The following AKT3 variants were observed in gnomAD, a reference collection of about 807,000 sequenced individuals.
The protein encoded by AKT3 is AKT serine/threonine kinase 3, also known as RAC-gamma serine/threonine-protein kinase.
AKT3 carries 15 observed loss-of-function variants against 65.3 expected under a neutral mutation model. The ratio of observed to expected loss-of-function variants is 0.23; its 90% CI spans 0.15 to 0.35. The LOEUF (loss-of-function observed/expected upper bound fraction) is 0.35, where lower values mean the gene tolerates loss of function less well. Among genes scored for constraint, AKT3 ranks in the 10% least tolerant of loss-of-function variants. AKT3 has a pLI of 1.00. For synonymous variants in AKT3, 206 were observed against 183.8 expected (o/e 1.12, Z -0.98); for missense variants, 243 against 576.5 (o/e 0.42, Z 5.92).
At chr1:243,706,018 TC>T (rs1685773993) in intron 2 of AKT3, among the ~76,000 whole-genome samples, 1 of 152,296 alleles carries the variant, frequency 6.6e-6, no homozygotes, top group African/African-American at 2.4e-5. Flanking sequence ...CTTTAAAACT[TC>T]CTTATTGTAA....
intron 8 of AKT3, among the ~76,000 whole-genome samples, chr1:243,596,021 G>A (rs537437348): frequency 6.6e-6 from 1 of 152,288 alleles, no homozygotes; most frequent in South Asian, 2.1e-4. Context: ...TGTGAGTAAT[G>A]CACTGCAGTA....
intron 3 of AKT3, among the ~76,000 whole-genome samples, chr1:243,689,504 TAA>T (rs1261773957): frequency 7.4e-6 from 1 of 134,730 alleles, no homozygotes; most frequent in African/African-American, 3.0e-5. Flanking sequence ...TTTTTTTTTT[TAA>T]AGAGACAGGG....
At chr1:243,736,002 T>C (rs908704850) in intron 2 of AKT3, among the ~76,000 whole-genome samples, 1 of 152,234 alleles carries the variant, frequency 6.6e-6, no homozygotes, top group Admixed American at 6.5e-5. Context: ...TAGCTTTGGT[T>C]ATATTTAGCC....
At chr1:243,573,107 A>G in intron 8 of AKT3, 59 bp from the exon 9 acceptor site, 1 of 1,579,492 alleles carries the variant, frequency 6.3e-7, no homozygotes, top group Non-Finnish European at 8.7e-7. Context: ...GGGGGAAATT[A>G]ACACAAACAT....
intron 4 of AKT3, among the ~76,000 whole-genome samples, chr1:243,658,022 C>A (rs578178371): frequency 6.6e-6 from 1 of 151,982 alleles, no homozygotes; most frequent in Admixed American, 6.6e-5. Context: ...CTACAAACTC[C>A]TAGGAAAAAA....
downstream of AKT3, among the ~76,000 whole-genome samples, chr1:243,494,727 C>T (rs1302301622): frequency 1.3e-5 from 2 of 152,300 alleles, no homozygotes; most frequent in East Asian, 1.9e-4. Flanking sequence ...CAGATACATT[C>T]ACTCTACTTA....
intron 2 of AKT3, among the ~76,000 whole-genome samples, chr1:243,809,908 C>G (rs1381407935): frequency 6.6e-6 from 1 of 152,198 alleles, no homozygotes; most frequent in Non-Finnish European, 1.5e-5. Context: ...TACATGGAAA[C>G]TGAACAACCT....
At chr1:243,624,326 A>C (rs1328051338) in intron 6 of AKT3, among the ~76,000 whole-genome samples, 1 of 152,242 alleles carries the variant, frequency 6.6e-6, no homozygotes, top group Non-Finnish European at 1.5e-5. Flanking sequence ...AAGAAATGCA[A>C]AATGATGAGA....
chr1:243,553,176 G>C (rs1270384869), intron 10 of AKT3, among the ~76,000 whole-genome samples: 1 of 148,042 alleles, frequency 6.8e-6, no homozygotes, highest in Non-Finnish European at 1.5e-5. Context: ...GGGGCAGGTC[G>C]TACAAAAAAA....
At chr1:243,848,479 G>C (rs377612525) in intron 1 of AKT3, among the ~76,000 whole-genome samples, 2 of 152,242 alleles carry the variant, frequency 1.3e-5, no homozygotes, top group South Asian at 4.1e-4. Flanking sequence ...CTCAAGTTCT[G>C]AAGACTAATC....
intron 3 of AKT3, among the ~76,000 whole-genome samples, chr1:243,682,654 T>C (rs1357007882): frequency 6.6e-6 from 1 of 152,136 alleles, no homozygotes; most frequent in African/African-American, 2.4e-5. Context: ...TATTTTTCAC[T>C]CTATACAGGG....
intron 2 of AKT3, among the ~76,000 whole-genome samples, chr1:243,714,915 T>C (rs1434606986): frequency 2.6e-5 from 4 of 152,112 alleles, no homozygotes; most frequent in Non-Finnish European, 5.9e-5. Flanking sequence ...TTAGGTAAAA[T>C]ATTCTGTGTT....
intron 4 of AKT3, among the ~76,000 whole-genome samples, chr1:243,648,537 T>C (rs1450332374): frequency 6.6e-6 from 1 of 152,176 alleles, no homozygotes; most frequent in African/African-American, 2.4e-5. Context: ...ATAGTTGTCT[T>C]TTCTTAAAAT....
chr1:243,610,916 G>C (rs939126344), intron 8 of AKT3, among the ~76,000 whole-genome samples: 12 of 152,192 alleles, frequency 7.9e-5, no homozygotes, highest in African/African-American at 2.9e-4. Context: ...TCCACTGCAT[G>C]AATGTAACTT....
chr1:243,574,650 T>A (rs1003787205), intron 8 of AKT3, among the ~76,000 whole-genome samples: 4 of 152,132 alleles, frequency 2.6e-5, no homozygotes, highest in Admixed American at 2.6e-4. Context: ...TTTAAAAAAT[T>A]CATTCATTTC....
chr1:243,540,165 A>G (rs1240489852), intron 12 of AKT3, among the ~76,000 whole-genome samples: 1 of 152,198 alleles, frequency 6.6e-6, no homozygotes, highest in African/African-American at 2.4e-5. Flanking sequence ...TGACATAGTA[A>G]TATCACTCAG....
chr1:243,577,139 T>C (rs1462731368), intron 8 of AKT3, among the ~76,000 whole-genome samples: 1 of 152,096 alleles, frequency 6.6e-6, no homozygotes, highest in South Asian at 2.1e-4. Context: ...GGACATCCTA[T>C]TGATTGATTG....
intron 2 of AKT3, among the ~76,000 whole-genome samples, chr1:243,727,842 T>A (rs1687310389): frequency 6.6e-6 from 1 of 152,164 alleles, no homozygotes; most frequent in Non-Finnish European, 1.5e-5. Context: ...AAATTTGATA[T>A]AATCTTAGTT....
chr1:243,531,545 G>A (rs916518637), intron 12 of AKT3, among the ~76,000 whole-genome samples: 1 of 152,020 alleles, frequency 6.6e-6, no homozygotes, highest in Non-Finnish European at 1.5e-5. Context: ...TTCAGTTTTT[G>A]TAGTACGGTA....
Sources: allele counts gnomAD v4.1 joint callset (sites outside exome capture counted in the v4.1 genomes callset), GRCh38; gene constraint gnomAD v4.1.1; transcripts MANE v1.5; gene names NCBI Gene and HGNC (gene_info 2026-07-23, HGNC 2026-07-21).